Variants in PLCXD3 observed in about 807,000 individuals in gnomAD.
PLCXD3 encodes phosphatidylinositol specific phospholipase C X domain containing 3.
A neutral mutation model predicts 25.5 loss-of-function variants in PLCXD3; 19 were observed. The observed-to-expected ratio is 0.75, with a 90% CI of 0.52 to 1.09. The LOEUF is 1.09. PLCXD3 is among the 50% of genes least tolerant of loss of function. PLCXD3 has a pLI of 0.00. For missense variants in PLCXD3, 411 were observed against 388.1 expected (o/e 1.06, Z -0.50); for synonymous variants, 174 against 137.6 (o/e 1.26, Z -1.85).
Position 41,345,683 on chromosome 5 carries a change from T to TACAC in PLCXD3, c.813-31917_813-31914dup, listed in dbSNP as rs57657516. Among the ~76,000 whole-genome samples the TACAC allele has an allele frequency of 5.8e-3, 847 of 146,136 alleles. 7 individuals carry two copies. The East Asian group carries it at 0.071, about 12-fold the overall frequency. On this transcript the variant is annotated intron_variant, in intron 2 of 2. Coordinates refer to ENST00000377801, the MANE Select transcript of PLCXD3 (RefSeq NM_001005473.3). ...CTCCAAATTTATACATACATATGTG[T>TACAC]ACACACACACACACACACACACACA... is the stretch of plus-strand genomic sequence containing the variant.
intron 2 of PLCXD3, among the ~76,000 whole-genome samples, chr5:41,354,433 T>C (rs1744561230): frequency 6.6e-6 from 1 of 152,148 alleles, no homozygotes; most frequent in Admixed American, 6.5e-5. Flanking sequence ...CTTTTTTTTC[T>C]TTGACTCCTC....
chr5:41,357,174 C>A (rs1006731717), intron 2 of PLCXD3, among the ~76,000 whole-genome samples: 5 of 152,188 alleles, frequency 3.3e-5, no homozygotes, highest in African/African-American at 1.2e-4. Flanking sequence ...CAGAACAGTG[C>A]CTTGTCAACA....
At chr5:41,452,320 T>C (rs1352457182) in intron 1 of PLCXD3, among the ~76,000 whole-genome samples, 1 of 152,042 alleles carries the variant, frequency 6.6e-6, no homozygotes, top group African/African-American at 2.4e-5. Flanking sequence ...AAAATCTGTA[T>C]ACATAAAGGA....
intron 1 of PLCXD3, among the ~76,000 whole-genome samples, chr5:41,429,131 G>A (rs1747034715): frequency 6.6e-6 from 1 of 152,064 alleles, no homozygotes; most frequent in Non-Finnish European, 1.5e-5. Flanking sequence ...ATCCTCTCAG[G>A]TTAAGCATAT....
intron 1 of PLCXD3, among the ~76,000 whole-genome samples, chr5:41,459,657 TCTTA>T (rs1322201429): frequency 4.0e-5 from 6 of 151,750 alleles, no homozygotes; most frequent in Non-Finnish European, 1.5e-5. Flanking sequence ...CAGCATTGTC[TCTTA>T]CTTCTTCCTA....
At chr5:41,381,221 A>G (rs1230708085) in intron 2 of PLCXD3, among the ~76,000 whole-genome samples, 2 of 152,172 alleles carry the variant, frequency 1.3e-5, no homozygotes, top group Non-Finnish European at 2.9e-5. Context: ...ATTGCAATCT[A>G]TAAAGCACTA....
At chr5:41,404,441 G>T (rs2150500925) in intron 1 of PLCXD3, among the ~76,000 whole-genome samples, 1 of 151,984 alleles carries the variant, frequency 6.6e-6, no homozygotes, top group Non-Finnish European at 1.5e-5. Flanking sequence ...TGCACATTAG[G>T]ATAGCTATGC....
At chr5:41,403,401 G>GTTTGTTTTTTTTTTTTT (rs1554047951) in intron 1 of PLCXD3, among the ~76,000 whole-genome samples, 1 of 18,412 alleles carries the variant, frequency 5.4e-5, no homozygotes, top group African/African-American at 1.8e-4. Context: ...CTTATTTGTT[G>GTTTGTTTTTTTTTTTTT]TTTTTTTTTT....
chr5:41,404,446 C>T (rs1193654677), intron 1 of PLCXD3, among the ~76,000 whole-genome samples: 2 of 151,744 alleles, frequency 1.3e-5, no homozygotes, highest in South Asian at 2.1e-4. Context: ...ATTAGGATAG[C>T]TATGCAAGCA....
intron 1 of PLCXD3, among the ~76,000 whole-genome samples, chr5:41,388,495 C>A (rs1745709255): frequency 6.6e-6 from 1 of 151,954 alleles, no homozygotes; most frequent in Non-Finnish European, 1.5e-5. Context: ...GAATGGTACC[C>A]TCATTCATTT....
In PLCXD3 at chr5:41,307,483, G is replaced by A. The variant is rs533485818; in HGVS notation, c.*6134C>T. Reference sequence around the variant, plus strand: ...TTTGATCTCACTGTTCTTATTTTAGGGCTTCTTGGGTTTTCAATTCCAAAA... The same window carrying A: ...TTTGATCTCACTGTTCTTATTTTAGAGCTTCTTGGGTTTTCAATTCCAAAA... On this transcript the variant is annotated 3_prime_UTR_variant, in exon 3 of 3. Coordinates refer to ENST00000377801, the MANE Select transcript of PLCXD3 (RefSeq NM_001005473.3). 8.5e-5 allele frequency: 13 copies of A among 152,228 alleles called. No individual in the cohort carries two copies. The East Asian group carries it at 2.5e-3, about 30-fold the overall frequency. 9.4% of individuals were successfully genotyped at this position (152,228 alleles called of 1,614,324 possible). A position where few individuals can be genotyped will look rare whatever the true frequency, so the allele number is the denominator to read the frequency against.
chr5:41,460,607 T>G (rs1712914625), intron 1 of PLCXD3, among the ~76,000 whole-genome samples: 1 of 152,016 alleles, frequency 6.6e-6, no homozygotes, highest in African/African-American at 2.4e-5. Context: ...AGCAGGAAAT[T>G]AAGTGTGTTT....
chr5:41,424,377 C>T (rs901403307), intron 1 of PLCXD3, among the ~76,000 whole-genome samples: 1 of 152,126 alleles, frequency 6.6e-6, no homozygotes, highest in Admixed American at 6.5e-5. Flanking sequence ...CCCGTCTCTA[C>T]TAAAAATACA....
chr5:41,451,332 T>G (rs992207099), intron 1 of PLCXD3, among the ~76,000 whole-genome samples: 1 of 152,052 alleles, frequency 6.6e-6, no homozygotes, highest in Admixed American at 6.6e-5. Flanking sequence ...ATATTTGTCA[T>G]AAGATGGTAT....
chr5:41,486,825 T>C (rs1162194627), intron 1 of PLCXD3, among the ~76,000 whole-genome samples: 1 of 152,196 alleles, frequency 6.6e-6, no homozygotes. Context: ...TGTACTCATC[T>C]CAATTTTAGA....
chr5:41,435,929 ACCTACTGAATAGTG>A (rs1199194640), intron 1 of PLCXD3, among the ~76,000 whole-genome samples: 20 of 152,116 alleles, frequency 1.3e-4, no homozygotes. Context: ...ACTCTATACC[ACCTACTGAATAGTG>A]CCTCTGCACC....
intron 1 of PLCXD3, among the ~76,000 whole-genome samples, chr5:41,440,040 C>T (rs970201339): frequency 6.6e-6 from 1 of 151,970 alleles, no homozygotes; most frequent in Non-Finnish European, 1.5e-5. Context: ...AGGATTCGCA[C>T]ACAGGTGGAA....
At chr5:41,503,911 A>C (rs371190401) in intron 1 of PLCXD3, among the ~76,000 whole-genome samples, 2 of 152,078 alleles carry the variant, frequency 1.3e-5, no homozygotes, top group African/African-American at 4.8e-5. Context: ...ACTGGTGGTA[A>C]TAGTTAAATT....
intron 2 of PLCXD3, among the ~76,000 whole-genome samples, chr5:41,331,296 C>A (rs1252384843): frequency 6.6e-6 from 1 of 151,872 alleles, no homozygotes; most frequent in Non-Finnish European, 1.5e-5. Context: ...TTCTTATACA[C>A]CAATAACAAA....
Sources: allele counts gnomAD v4.1 joint callset (sites outside exome capture counted in the v4.1 genomes callset), GRCh38; gene constraint gnomAD v4.1.1; transcripts MANE v1.5; gene names NCBI Gene and HGNC (gene_info 2026-07-23, HGNC 2026-07-21).